The following C10orf67 variants were observed in gnomAD, a reference collection of about 807,000 sequenced individuals.
C10orf67 encodes chromosome 10 open reading frame 67.
In C10orf67, 60 loss-of-function variants were observed where a neutral mutation model predicts 35.6. That is an observed-to-expected ratio of 1.68 (90% CI 1.37 to 2.09). The LOEUF (loss-of-function observed/expected upper bound fraction) is 2.09, where lower values mean the gene tolerates loss of function less well. Ranked by LOEUF, C10orf67 falls within the 30% of genes most tolerant of loss-of-function variation. The pLI, the probability that C10orf67 is intolerant of heterozygous loss-of-function variation, is 0.00. For synonymous variants in C10orf67, 167 were observed against 115.8 expected, an observed-to-expected ratio of 1.44 and a Z score of -2.84; for missense variants, 474 against 330.2, an observed-to-expected ratio of 1.44 and a Z score of -3.38.
chr10:23,326,772 A>C (rs1460216996), intron 2 of C10orf67, among the ~76,000 whole-genome samples: 1 of 152,164 alleles, frequency 6.6e-6, no homozygotes, highest in East Asian at 1.9e-4. Context: ...TATTAATGCT[A>C]AGTACACTAT....
chr10:23,267,058 C>T, intron 9 of C10orf67, 137 bp downstream of exon 9: 1 of 588,768 alleles, frequency 1.7e-6, no homozygotes, highest in Non-Finnish European at 3.0e-6. Flanking sequence ...CTCTCACTTT[C>T]AAGAACTTTC....
Position 23,333,118 on chromosome 10 carries a change from A to T in C10orf67, c.271T>A (p.Ser91Thr). The T allele has an allele frequency of 6.2e-7, 1 of 1,610,756 alleles. No individual in the cohort carries two copies. Among genetic ancestry groups the T allele is most frequent in the Non-Finnish European group, 8.5e-7 (1 of 1,177,280 alleles). The change falls in exon 2 of 16, where the codon TCC becomes ACC. Residue 91 changes from serine to threonine, a missense_variant. By Grantham distance (58) the Ser-to-Thr change is moderately conservative. Transcript: ENST00000636213. ...TCTTTTACTGACAGTATTTCACTGG[A>T]ATCAGTTTGAGTGGCATGGTCTGTG... ...FSTDHATQTD[S>T]SEILSVKELS... is the part of the protein sequence containing the mutation.
At chr10:23,269,922 C>G (rs1266696617) in intron 8 of C10orf67, among the ~76,000 whole-genome samples, 1 of 151,976 alleles carries the variant, frequency 6.6e-6, no homozygotes, top group Non-Finnish European at 1.5e-5. Flanking sequence ...AAATAACACT[C>G]CTGTCTCAGA....
chr10:23,230,512 T>C (rs1488511248), intron 13 of C10orf67, among the ~76,000 whole-genome samples: 1 of 152,056 alleles, frequency 6.6e-6, no homozygotes, highest in Non-Finnish European at 1.5e-5. Context: ...CAGAAAAAGA[T>C]TAAAAACTTA....
chr10:23,202,892 G>C lies in C10orf67; in HGVS notation c.*1281C>G, dbSNP rs1224533107. ...TTTTATTTCATTTCCTCTGTTTCTT[G>C]TAGGGTTGATTGGTTGGTGGAAATG... On this transcript the variant is annotated 3_prime_UTR_variant, in exon 16 of 16. Coordinates refer to ENST00000636213, the MANE Select transcript of C10orf67 (RefSeq NM_001371909.1). 6.6e-6 allele frequency: 1 copy of C among 152,208 alleles called. No homozygotes were observed. Among genetic ancestry groups the C allele is most frequent in the Non-Finnish European group, 1.5e-5 (1 of 68,036 alleles). The allele number at this position is 152,208 out of a possible 1,614,324, so 9.4% of individuals were successfully genotyped here.
At chr10:23,306,339 CA>C (rs1390611961) in intron 4 of C10orf67, among the ~76,000 whole-genome samples, 1 of 151,868 alleles carries the variant, frequency 6.6e-6, no homozygotes, top group African/African-American at 2.4e-5. Context: ...GCCTGGCCAA[CA>C]TGTGAAACCC....
At chr10:23,308,413 A>C (rs546571778) in intron 4 of C10orf67, among the ~76,000 whole-genome samples, 6 of 152,296 alleles carry the variant, frequency 3.9e-5, no homozygotes, top group Admixed American at 3.3e-4. Context: ...CAACTCCCTT[A>C]GCCTGGTATA....
At position 23,240,140 on chromosome 10, in the gene C10orf67, G is replaced by A. The variant is rs114006092; in HGVS notation, c.1347-324C>T. 7.7e-3 allele frequency among the ~76,000 whole-genome samples: 1,171 copies of A among 152,112 alleles called. 13 individuals carry two copies. Among genetic ancestry groups the A allele is most frequent in the African/African-American group, 0.027 (1,109 of 41,488 alleles). On this transcript the variant is annotated intron_variant, in intron 12 of 15. Transcript: ENST00000636213. ...TGGGAGGTCAAGGCTGCAGTGAGCC[G>A]TGATTGCACCACTGCACTCCAGCCT...
chr10:23,219,586 G>T (rs540078098), intron 15 of C10orf67, among the ~76,000 whole-genome samples: 1 of 152,216 alleles, frequency 6.6e-6, no homozygotes, highest in East Asian at 1.9e-4. Flanking sequence ...AGATAGTATT[G>T]TACCTCATTT....
intron 15 of C10orf67, among the ~76,000 whole-genome samples, chr10:23,211,636 T>C (rs1322580859): frequency 6.6e-6 from 1 of 152,186 alleles, no homozygotes; most frequent in African/African-American, 2.4e-5. Context: ...TGGTACTTGA[T>C]GTATGCTTTG....
At chr10:23,343,367 G>A (rs1845988482) in intron 1 of C10orf67, among the ~76,000 whole-genome samples, 1 of 152,162 alleles carries the variant, frequency 6.6e-6, no homozygotes. Flanking sequence ...TGGAGACACA[G>A]CCAGGAGGTA....
At chr10:23,240,084 A>G (rs1842144106) in intron 12 of C10orf67, among the ~76,000 whole-genome samples, 1 of 152,042 alleles carries the variant, frequency 6.6e-6, no homozygotes, top group Non-Finnish European at 1.5e-5. Context: ...CCAGCAATTC[A>G]GAAGGCTGAG....
chr10:23,273,428 C>G (rs1843086925), intron 8 of C10orf67, among the ~76,000 whole-genome samples: 1 of 152,310 alleles, frequency 6.6e-6, no homozygotes, highest in East Asian at 1.9e-4. Context: ...CTTCATCCAC[C>G]TGCTTCTGGC....
At chr10:23,217,858 T>C (rs181695513) in intron 15 of C10orf67, among the ~76,000 whole-genome samples, 1 of 152,036 alleles carries the variant, frequency 6.6e-6, no homozygotes, top group South Asian at 2.1e-4. Context: ...TAGCCTAAAC[T>C]TTTTTCTACT....
chr10:23,281,077 A>G (rs1843350349), intron 8 of C10orf67, among the ~76,000 whole-genome samples: 1 of 152,178 alleles, frequency 6.6e-6, no homozygotes, highest in African/African-American at 2.4e-5. Flanking sequence ...AAAATAACAC[A>G]TTTGTTAACA....
intron 10 of C10orf67, among the ~76,000 whole-genome samples, chr10:23,256,844 G>A (rs1030570188): frequency 1.3e-5 from 2 of 152,176 alleles, no homozygotes; most frequent in Non-Finnish European, 2.9e-5. Context: ...GCATGTGAAA[G>A]TCTTAAGCCT....
chr10:23,228,375 C>G (rs984942279), intron 13 of C10orf67, among the ~76,000 whole-genome samples: 1 of 152,094 alleles, frequency 6.6e-6, no homozygotes, highest in Non-Finnish European at 1.5e-5. Flanking sequence ...GCTGGGAAAA[C>G]TGGCTAGCCA....
At chr10:23,211,917 C>A (rs562079120) in intron 15 of C10orf67, among the ~76,000 whole-genome samples, 110 of 152,162 alleles carry the variant, frequency 7.2e-4, no homozygotes, top group African/African-American at 2.6e-3. Context: ...TCTCTTGTAA[C>A]GAAATGGTGA....
intron 13 of C10orf67, among the ~76,000 whole-genome samples, chr10:23,235,460 A>G (rs1426327303): frequency 6.6e-6 from 1 of 152,238 alleles, no homozygotes; most frequent in African/African-American, 2.4e-5. Flanking sequence ...AATATATAAC[A>G]AAATGCTACA....
Sources: allele counts gnomAD v4.1 joint callset (sites outside exome capture counted in the v4.1 genomes callset), GRCh38; gene constraint gnomAD v4.1.1; transcripts MANE v1.5; gene names NCBI Gene and HGNC (gene_info 2026-07-23, HGNC 2026-07-21).